DCC: variants seen among roughly 807,000 people sequenced by gnomAD.
The protein encoded by DCC is netrin receptor DCC.
A neutral mutation model predicts 172.5 loss-of-function variants in DCC; 58 were observed. The ratio of observed to expected loss-of-function variants is 0.34; its 90% CI spans 0.27 to 0.42. The LOEUF (loss-of-function observed/expected upper bound fraction) is 0.42, where lower values mean the gene tolerates loss of function less well. DCC is among the 10% of genes least tolerant of loss of function. The pLI, the probability that DCC is intolerant of heterozygous loss-of-function variation, is 1.00. For synonymous variants in DCC, 709 were observed against 644.5 expected (o/e 1.10, Z -1.52); for missense variants, 1,740 against 1,791.0 (o/e 0.97, Z 0.51).
chr18:53,190,898 A>T (rs142651816), intron 9 of DCC, among the ~76,000 whole-genome samples: 1 of 152,204 alleles, frequency 6.6e-6, no homozygotes, highest in African/African-American at 2.4e-5. Context: ...GTGAGCCGAG[A>T]TCGCGTCACT....
rs368682181 is a variant in DCC at position 53,044,494 on chromosome 18, T to C, written c.986-18811T>C. Among the ~76,000 whole-genome samples the C allele has an allele frequency of 5.9e-5, 9 of 151,924 alleles. No individual in the cohort carries two copies. The East Asian group carries it at 1.4e-3, about 23-fold the overall frequency. ...AAGCCATTTACCCTTAACTTTTTAG[T>C]ACATAAAATATAAGGCATGGACTAG... On this transcript the variant is annotated intron_variant, in intron 5 of 28. Transcript: ENST00000442544.
intron 1 of DCC, among the ~76,000 whole-genome samples, chr18:52,711,337 C>G (rs912383231): frequency 6.6e-6 from 1 of 152,154 alleles, no homozygotes; most frequent in African/African-American, 2.4e-5. Context: ...AAGTGATTCT[C>G]CTGCCTCAGC....
rs1418624209 is a variant in DCC at position 52,752,131 on chromosome 18, G to T, written c.169G>T (p.Val57Phe). 6 of 1,614,070 alleles carry T rather than the reference G, an allele frequency of 3.7e-6. No homozygotes were observed. The highest frequency in any genetic ancestry group is 4.2e-6 in the Non-Finnish European group (5 of 1,179,956). ...SDAVTMRGGN[V>F]LLDCSAESDR... ...TGCCGTCACAATGCGGGGAGGAAAT[G>T]TCCTCCTCGACTGCTCCGCGGAGTC... Residue 57 changes from valine (V) to phenylalanine (F), a missense_variant, in exon 2 of 29, where the codon GTC (valine) becomes TTC (phenylalanine). Coordinates refer to ENST00000442544, the MANE Select transcript of DCC (RefSeq NM_005215.4).
In DCC at chr18:53,531,013, T is replaced by C; in HGVS notation, c.*360T>C. The C allele has an allele frequency of 2.7e-6, 1 of 367,368 alleles. No individual in the cohort carries two copies. Among genetic ancestry groups the C allele is most frequent in the South Asian group, 2.5e-5 (1 of 40,302 alleles). 22.8% of individuals were successfully genotyped at this position (367,368 alleles called of 1,614,324 possible). A position where few individuals can be genotyped will look rare whatever the true frequency, so the allele number is the denominator to read the frequency against. On this transcript the variant is annotated 3_prime_UTR_variant, in exon 29 of 29. Coordinates refer to ENST00000442544, the MANE Select transcript of DCC (RefSeq NM_005215.4). ...CAAGGCCTGTTGTTTAATGTGTAGG[T>C]CTAGTCTTACAAAATGCAAGTGCAT...
At chr18:52,432,192 G>A (rs566130126) in intron 1 of DCC, among the ~76,000 whole-genome samples, 5 of 152,068 alleles carry the variant, frequency 3.3e-5, no homozygotes, top group South Asian at 2.1e-4. Context: ...TATCTCCACC[G>A]TGTTGCACGT....
At chr18:53,375,611 T>C (rs1331602037) in intron 15 of DCC, among the ~76,000 whole-genome samples, 2 of 108,710 alleles carry the variant, frequency 1.8e-5, no homozygotes, top group East Asian at 3.0e-4. Flanking sequence ...ACCTTATATT[T>C]AATTCTTTTT....
intron 1 of DCC, among the ~76,000 whole-genome samples, chr18:52,582,584 G>T (rs2033574364): frequency 6.6e-6 from 1 of 152,148 alleles, no homozygotes; most frequent in Non-Finnish European, 1.5e-5. Flanking sequence ...AGAGAAAAGG[G>T]CTTGTGCTTG....
At chr18:53,340,087 CACAGGCACACATAT>C (rs907487198) in intron 15 of DCC, among the ~76,000 whole-genome samples, 180 bp downstream of exon 15, 6 of 144,902 alleles carry the variant, frequency 4.1e-5, no homozygotes, top group African/African-American at 1.5e-4. Context: ...TACACACACA[CACAGGCACACATAT>C]ACATTTCTTT....
chr18:53,049,366 G>A (rs2042302964), intron 5 of DCC, among the ~76,000 whole-genome samples: 1 of 152,008 alleles, frequency 6.6e-6, no homozygotes, highest in Non-Finnish European at 1.5e-5. Flanking sequence ...TTTGTATATA[G>A]CTTCAGGAAG....
intron 23 of DCC, among the ~76,000 whole-genome samples, chr18:53,452,151 T>C (rs1217377643): frequency 6.6e-6 from 1 of 152,136 alleles, no homozygotes; most frequent in Non-Finnish European, 1.5e-5. Flanking sequence ...TTGAACAATC[T>C]CTTGGTGCTG....
At chr18:52,730,076 T>G (rs2036613757) in intron 1 of DCC, among the ~76,000 whole-genome samples, 1 of 152,220 alleles carries the variant, frequency 6.6e-6, no homozygotes, top group East Asian at 1.9e-4. Context: ...ACCTGGTAAT[T>G]ACTTGCAGTT....
chr18:53,047,049 C>T (rs1169592944), intron 5 of DCC, among the ~76,000 whole-genome samples: 1 of 150,950 alleles, frequency 6.6e-6, no homozygotes, highest in African/African-American at 2.4e-5. Flanking sequence ...ATATGCTTGT[C>T]ACCAGCAACT....
chr18:52,968,343 A>C (rs942356439), intron 5 of DCC, among the ~76,000 whole-genome samples: 5 of 152,138 alleles, frequency 3.3e-5, no homozygotes, highest in Admixed American at 2.0e-4. Context: ...GACTAAGGAA[A>C]AGTATTATAT....
chr18:52,468,613 CATT>C (rs1988857353), intron 1 of DCC, among the ~76,000 whole-genome samples: 1 of 152,122 alleles, frequency 6.6e-6, no homozygotes, highest in East Asian at 1.9e-4. Context: ...TAAACATTTG[CATT>C]AATAAAACAG....
intron 13 of DCC, among the ~76,000 whole-genome samples, chr18:53,319,830 G>A (rs1371601498): frequency 6.6e-6 from 1 of 151,060 alleles, no homozygotes; most frequent in African/African-American, 2.4e-5. Context: ...AATAGATTAC[G>A]GCAATATCTC....
chr18:52,902,242 G>C (rs2039820679), intron 2 of DCC, among the ~76,000 whole-genome samples: 1 of 152,204 alleles, frequency 6.6e-6, no homozygotes, highest in Non-Finnish European at 1.5e-5. Context: ...GCCTGGTTTT[G>C]GGGCAAAAGA....
intron 7 of DCC, among the ~76,000 whole-genome samples, chr18:53,115,154 G>A (rs1447923798): frequency 6.6e-6 from 1 of 151,592 alleles, no homozygotes; most frequent in African/African-American, 2.4e-5. Context: ...TCACACTCAT[G>A]GATTATTGGT....
intron 12 of DCC, among the ~76,000 whole-genome samples, chr18:53,217,044 G>A (rs7243444): frequency 0.19 from 28,328 of 151,812 alleles, 3,694 homozygotes; most frequent in African/African-American, 0.38. Flanking sequence ...CTCACTTTAT[G>A]TTTTTCCTCC....
chr18:52,472,820 T>A lies in DCC; in HGVS notation c.91+131942T>A, dbSNP rs990276620. On this transcript the variant is annotated intron_variant, in intron 1 of 28. Coordinates refer to ENST00000442544, the MANE Select transcript of DCC (RefSeq NM_005215.4). ...CTTGGGAGTCTATGAGGTGGGAGGA[T>A]CACTTGAGCTAAGGGGTTTGAGGCT... Among the ~76,000 whole-genome samples, 37 of 152,262 alleles carry A rather than the reference T, an allele frequency of 2.4e-4. 1 individual carries two copies. The highest frequency in any genetic ancestry group is 1.7e-3 in the Admixed American group (26 of 15,298).
Sources: gnomAD v4.1 joint callset for allele counts (sites outside exome capture counted in the v4.1 genomes callset) on GRCh38, gnomAD v4.1.1 for gene constraint, MANE v1.5 for transcripts, NCBI Gene and HGNC (gene_info 2026-07-23, HGNC 2026-07-21) for gene names.